The following MYT1 variants were observed in gnomAD, a reference collection of about 807,000 sequenced individuals.
MYT1 encodes myelin transcription factor 1, also known as myelin transcription factor I.
A neutral mutation model predicts 123.0 loss-of-function variants in MYT1; 23 were observed. The observed-to-expected ratio is 0.19, with a 90% confidence interval of 0.13 to 0.26. MYT1 has a LOEUF of 0.26. MYT1 is among the 10% of genes least tolerant of loss of function. The pLI is 1.00. For missense variants in MYT1, 1,125 were observed against 1,472.5 expected, an observed-to-expected ratio of 0.76 and a Z score of 3.86; for synonymous variants, 518 against 575.3, an observed-to-expected ratio of 0.90 and a Z score of 1.43.
intron 1 of MYT1, among the ~76,000 whole-genome samples, chr20:64,177,985 T>G (rs1012932006): frequency 2.0e-5 from 3 of 152,074 alleles, no homozygotes; most frequent in Non-Finnish European, 2.9e-5. Flanking sequence ...GGAAGCAGAC[T>G]TGGCTGAGCA....
rs563638734 is a variant in MYT1 at position 64,210,936 on chromosome 20, C to T, written c.1292-270C>T. The stretch of plus-strand genomic sequence containing the variant: ...GAGGAGAGAGGAAAGAGGACTCCAG[C>T]GGCCGTCTGGGTTGTTCTCCTTAAA... On this transcript the variant is annotated intron_variant, in intron 7 of 22. Coordinates refer to ENST00000328439, the MANE Select transcript of MYT1 (RefSeq NM_004535.3). 3.3e-5 allele frequency among the ~76,000 whole-genome samples: 5 copies of T among 152,352 alleles called. No homozygotes were observed. In the East Asian group the frequency reaches 5.8e-4, roughly 18 times the overall value.
intron 1 of MYT1, among the ~76,000 whole-genome samples, chr20:64,184,920 A>G (rs1216101375): frequency 2.0e-5 from 3 of 152,212 alleles, no homozygotes; most frequent in Non-Finnish European, 4.4e-5. Flanking sequence ...CGACAAGGTC[A>G]GGGGCGAGTG....
At chr20:64,198,758 C>A in intron 2 of MYT1, 104 bp from the exon 3 acceptor site, 1 of 1,244,738 alleles carries the variant, frequency 8.0e-7, no homozygotes, top group Non-Finnish European at 1.2e-6. Flanking sequence ...ATCACCTTTG[C>A]TGTCAAAGCT....
chr20:64,236,380 A>C (rs36042940), intron 19 of MYT1, among the ~76,000 whole-genome samples, 175 bp from the exon 20 acceptor site: 10,148 of 80,032 alleles, frequency 0.13, 457 homozygotes, highest in Middle Eastern at 0.25. Context: ...TGACCCTGGG[A>C]TGGCCGTGGT....
At chr20:64,225,522 G>C (rs1984146448) in intron 16 of MYT1, among the ~76,000 whole-genome samples, 1 of 152,234 alleles carries the variant, frequency 6.6e-6, no homozygotes, top group African/African-American at 2.4e-5. Flanking sequence ...ACACACACCT[G>C]CCAGGGCATG....
intron 1 of MYT1, among the ~76,000 whole-genome samples, chr20:64,176,676 G>A (rs1375275789): frequency 6.6e-6 from 1 of 152,258 alleles, no homozygotes; most frequent in African/African-American, 2.4e-5. Flanking sequence ...GCGTGGAGCA[G>A]TGTGGAGTGG....
intron 1 of MYT1, among the ~76,000 whole-genome samples, chr20:64,188,044 C>T (rs527562206): frequency 4.5e-4 from 68 of 152,312 alleles, no homozygotes; most frequent in Middle Eastern, 3.4e-3. Context: ...CTTCAGAGCC[C>T]AGGGCTGACT....
chr20:64,200,068 T>TTA, intron 4 of MYT1, 146 bp downstream of exon 4: 1 of 914,596 alleles, frequency 1.1e-6, no homozygotes, highest in Non-Finnish European at 1.8e-6. Flanking sequence ...GCCTTTCTCC[T>TTA]GGCCACGTGT....
At chr20:64,180,935 A>G (rs1011420266) in intron 1 of MYT1, among the ~76,000 whole-genome samples, 2 of 152,106 alleles carry the variant, frequency 1.3e-5, no homozygotes, top group Admixed American at 1.3e-4. Flanking sequence ...TCAGTTTTTG[A>G]GGCTGTGCAT....
chr20:64,193,656 A>G lies in MYT1; in HGVS notation c.-1+3496A>G, dbSNP rs916569124. 6.6e-6 allele frequency among the ~76,000 whole-genome samples: 1 copy of G among 151,618 alleles called. No individual in the cohort carries two copies. Among genetic ancestry groups the G allele is most frequent in the African/African-American group, 2.4e-5 (1 of 41,216 alleles). On this transcript the variant is annotated intron_variant, in intron 2 of 22. Coordinates refer to ENST00000328439, the MANE Select transcript of MYT1 (RefSeq NM_004535.3). This position sits in a 1 kb window ranked among gnomAD's most constrained non-coding sequence, Gnocchi z 4.0. Reference sequence around the variant, plus strand: ...GGTAGGGGACAGCCAGTTTCTGGCCACCTCCTCACCCCCCACTCTTCACTG... The same window carrying G: ...GGTAGGGGACAGCCAGTTTCTGGCCGCCTCCTCACCCCCCACTCTTCACTG...
In MYT1 at chr20:64,222,048, G is replaced by C; in HGVS notation, c.2396+1G>C. The stretch of plus-strand genomic sequence containing the variant: ...AGGACATAAAGAAGGAGCTGCTCAC[G>C]TAAGTCCCTGTTTGGCTGGCACAGC... On this transcript the variant is annotated splice_donor_variant, in intron 14 of 22. Transcript: ENST00000328439. LOFTEE classifies it high-confidence loss of function. The C allele has an allele frequency of 6.2e-7, 1 of 1,612,290 alleles. No individual in the cohort carries two copies. The highest frequency in any genetic ancestry group is 8.5e-7 in the Non-Finnish European group (1 of 1,179,894).
rs1269529698 is a variant in MYT1 at position 64,201,969 on chromosome 20, G to GGGAACCCCCGCA, written c.86+2047_86+2048insGGAACCCCCGCA. 5.9e-4 allele frequency among the ~76,000 whole-genome samples: 89 copies of GGGAACCCCCGCA among 149,632 alleles called. 1 individual carries two copies. Among genetic ancestry groups the GGGAACCCCCGCA allele is most frequent in the African/African-American group, 2.1e-3 (86 of 40,552 alleles). ...ACCTCTGCGTGTCGGGAACCCCCGC[G>GGGAACCCCCGCA]TGTCGGGAACCCCCGCGTGTCGGGA... On this transcript the variant is annotated intron_variant, in intron 4 of 22. Coordinates refer to ENST00000328439, the MANE Select transcript of MYT1 (RefSeq NM_004535.3).
In MYT1 at chr20:64,231,040, G is replaced by A. The variant is rs990659767; in HGVS notation, c.2676-1124G>A. Among the ~76,000 whole-genome samples the A allele has an allele frequency of 1.3e-4, 14 of 105,568 alleles. No homozygotes were observed. The highest frequency in any genetic ancestry group is 2.0e-4 in the Non-Finnish European group (10 of 48,834). The allele number at this position is 105,568 out of a possible 152,430, so 69.3% of individuals were successfully genotyped here. ...CCCTACGGCGGGAGCCTCTGCCCCC[G>A]CCCCCGCCCCCTGCTACCGTCCTCC... On this transcript the variant is annotated intron_variant, in intron 18 of 22. Transcript: ENST00000328439. The surrounding 1 kb of genome is among the most constrained non-coding windows in gnomAD (Gnocchi z 6.4).
rs1475264722 is a variant in MYT1 at position 64,241,854 on chromosome 20, G to A, written c.*1406G>A. On this transcript the variant is annotated 3_prime_UTR_variant, in exon 23 of 23. Coordinates refer to ENST00000328439, the MANE Select transcript of MYT1 (RefSeq NM_004535.3). This position sits in a 1 kb window ranked among gnomAD's most constrained non-coding sequence, Gnocchi z 4.2. Reference sequence around the variant, plus strand: ...TTTTAAAAAGTATTTTGTAACTGAGGAATTTTGATAATTTGGGGATTTTGT... The same window carrying A: ...TTTTAAAAAGTATTTTGTAACTGAGAAATTTTGATAATTTGGGGATTTTGT... The A allele has an allele frequency of 6.6e-6, 1 of 152,412 alleles. No homozygotes were observed. Among genetic ancestry groups the A allele is most frequent in the Non-Finnish European group, 1.5e-5 (1 of 68,030 alleles). The allele number at this position is 152,412 out of a possible 1,614,324, so 9.4% of individuals were successfully genotyped here.
At position 64,196,889 on chromosome 20, in the gene MYT1, A is replaced by G. The variant is rs1046825908; in HGVS notation, c.1-1973A>G. On this transcript the variant is annotated intron_variant, in intron 2 of 22. Transcript: ENST00000328439. The surrounding 1 kb of genome is among the most constrained non-coding windows in gnomAD (Gnocchi z 4.3). ...ATATCCTTGGGAAAACTGGCAATAA[A>G]TAAATAAATAAATAAAGCCGTAGAT... 2.0e-5 allele frequency among the ~76,000 whole-genome samples: 3 copies of G among 152,236 alleles called. No homozygotes were observed. The highest frequency in any genetic ancestry group is 7.2e-5 in the African/African-American group (3 of 41,470).
At chr20:64,177,316 A>C (rs778538408) in intron 1 of MYT1, among the ~76,000 whole-genome samples, 1 of 152,128 alleles carries the variant, frequency 6.6e-6, no homozygotes, top group Non-Finnish European at 1.5e-5. Flanking sequence ...AACTCAGCAA[A>C]AGCTGGTCTG....
At chr20:64,195,801 T>A (rs1488065041) in intron 2 of MYT1, among the ~76,000 whole-genome samples, 1 of 152,158 alleles carries the variant, frequency 6.6e-6, no homozygotes, top group Admixed American at 6.5e-5. Context: ...GAGACTGCTT[T>A]TATATGGCAC....
At chr20:64,210,556 T>TGGG (rs1166789727) in intron 7 of MYT1, among the ~76,000 whole-genome samples, 1 of 152,144 alleles carries the variant, frequency 6.6e-6, no homozygotes, top group African/African-American at 2.4e-5. Context: ...TGCTCTGAGG[T>TGGG]GGGAGTTCTG....
At chr20:64,239,937 T>C (rs754824027) in intron 22 of MYT1, 34 bp downstream of exon 22, 4 of 1,606,112 alleles carry the variant, frequency 2.5e-6, no homozygotes, top group Non-Finnish European at 3.4e-6. Flanking sequence ...GCACCACAGC[T>C]ACCCCCCAGG....
Sources: allele counts gnomAD v4.1 joint callset (sites outside exome capture counted in the v4.1 genomes callset), GRCh38; gene constraint gnomAD v4.1.1; non-coding constraint Gnocchi (gnomAD v3.1); transcripts MANE v1.5; gene names NCBI Gene and HGNC (gene_info 2026-07-23, HGNC 2026-07-21).